Variants in SLC9A1 observed in about 807,000 individuals in gnomAD.
SLC9A1 encodes sodium/hydrogen exchanger 1.
Under a neutral mutation model 67.9 loss-of-function variants are expected in SLC9A1, and 22 were observed. The ratio of observed to expected loss-of-function variants is 0.32; its 90% CI spans 0.23 to 0.46. The LOEUF is 0.46. Among genes scored for constraint, SLC9A1 ranks in the 20% least tolerant of loss-of-function variants. The probability of loss-of-function intolerance (pLI) is 1.00; values close to 1 mark genes in which losing one functional copy is unlikely to be tolerated. For synonymous variants in SLC9A1, 421 were observed against 471.8 expected, an observed-to-expected ratio of 0.89 and a Z score of 1.40; for missense variants, 686 against 1,094.8, an observed-to-expected ratio of 0.63 and a Z score of 5.27.
intron 1 of SLC9A1, among the ~76,000 whole-genome samples, chr1:27,136,420 G>A (rs1230288521): frequency 6.6e-6 from 1 of 152,202 alleles, no homozygotes; most frequent in African/African-American, 2.4e-5. Flanking sequence ...GCCTGGGCTT[G>A]GCCCCGCCCA....
At chr1:27,134,938 T>C (rs186119522) in intron 1 of SLC9A1, among the ~76,000 whole-genome samples, 142 of 151,274 alleles carry the variant, frequency 9.4e-4, no homozygotes, top group African/African-American at 3.4e-3. Flanking sequence ...GGTTTCACCA[T>C]GTTGGCCAGG....
At position 27,101,719 on chromosome 1, in the gene SLC9A1, G is replaced by C; in HGVS notation, c.2037+6C>G. 6.3e-7 allele frequency: 1 copy of C among 1,597,588 alleles called. No individual in the cohort carries two copies. Among genetic ancestry groups the C allele is most frequent in the Non-Finnish European group, 8.6e-7 (1 of 1,166,666 alleles). ...ATACAGATTCCCAGAGGAAGGCAGAGGCTACCTTCTGCTCCAGCTGCCGGG... is the reference window on the plus strand; with the variant it reads ...ATACAGATTCCCAGAGGAAGGCAGACGCTACCTTCTGCTCCAGCTGCCGGG... On this transcript the variant is annotated splice_donor_region_variant and intron_variant, in intron 10 of 11. Transcript: ENST00000263980. The surrounding 1 kb of genome is among the most constrained non-coding windows in gnomAD (Gnocchi z 4.9).
At chr1:27,148,736 C>T (rs545267849) in intron 1 of SLC9A1, among the ~76,000 whole-genome samples, 161 of 152,314 alleles carry the variant, frequency 1.1e-3, no homozygotes, top group African/African-American at 3.5e-3. Context: ...TACTATTAAA[C>T]TCCTCCTGCC....
rs1230032661 is a variant in SLC9A1, at chr1:27,154,144, G to A, written c.191C>T (p.Pro64Leu). Residue 64 changes from proline (P) to leucine (L), a missense_variant, in exon 1 of 12, where the codon CCA becomes CTA. Physicochemically the swap from Pro to Leu is moderately conservative, Grantham distance 98. This residue lies in a region of SLC9A1 where 143 missense variants were observed against 166.7 expected (regional missense o/e 0.86). Coordinates refer to ENST00000263980, the MANE Select transcript of SLC9A1 (RefSeq NM_003047.5). ...ERSIGDVTTA[P>L]PEVTPESRPV... ...GCGGCTCTCTGGGGTGACCTCCGGT[G>A]GAGCGGTGGTGACATCCCCAATCGA... 1.2e-6 allele frequency: 2 copies of A among 1,614,050 alleles called. No individual in the cohort carries two copies. The highest frequency in any genetic ancestry group is 2.2e-5 in the East Asian group (1 of 44,894).
At chr1:27,119,794 T>C (rs1441820560) in intron 1 of SLC9A1, among the ~76,000 whole-genome samples, 1 of 152,198 alleles carries the variant, frequency 6.6e-6, no homozygotes, top group Non-Finnish European at 1.5e-5. Context: ...ATTCTTACTT[T>C]GTTTCTAAGG....
chr1:27,153,655 G>T (rs907221043), intron 1 of SLC9A1, among the ~76,000 whole-genome samples: 1 of 152,244 alleles, frequency 6.6e-6, no homozygotes, highest in African/African-American at 2.4e-5. Context: ...ACAGCGGGGT[G>T]CCTGGCTCCC....
chr1:27,102,177 TGGTGCCTCCCA>T, intron 8 of SLC9A1, 47 bp from the exon 9 acceptor site: 2 of 1,519,874 alleles, frequency 1.3e-6, no homozygotes, highest in South Asian at 2.2e-5. Context: ...CTTGGGATCC[TGGTGCCTCCCA>T]GGTTTGGCCA....
chr1:27,114,052 C>CCCA lies in SLC9A1; in HGVS notation c.584_586dup (p.Val195dup). 1 of 1,614,108 alleles carries CCCA rather than the reference C, an allele frequency of 6.2e-7. No homozygotes were observed. Among genetic ancestry groups the CCCA allele is most frequent in the Non-Finnish European group, 8.5e-7 (1 of 1,180,044 alleles). ...CAGGAAGAAGGCGTTCCACAGCGTG[C>CCCA]CCACCACGGCAAAGATCAGGATGGT... On this transcript the variant is annotated inframe_insertion, in exon 2 of 12. Transcript: ENST00000263980. The surrounding 1 kb of genome is among the most constrained non-coding windows in gnomAD (Gnocchi z 5.4).
At chr1:27,134,796 G>A (rs932936780) in intron 1 of SLC9A1, among the ~76,000 whole-genome samples, 1 of 152,222 alleles carries the variant, frequency 6.6e-6, no homozygotes, top group Non-Finnish European at 1.5e-5. Flanking sequence ...GAGTGCAGTG[G>A]TACAATCTCG....
At chr1:27,110,782 CCCT>C (rs1232093349) in intron 2 of SLC9A1, among the ~76,000 whole-genome samples, 1 of 152,204 alleles carries the variant, frequency 6.6e-6, no homozygotes, top group African/African-American at 2.4e-5. Flanking sequence ...GAGGATCTGC[CCCT>C]CCTATTGCTA....
At chr1:27,122,182 G>A (rs1359639164) in intron 1 of SLC9A1, among the ~76,000 whole-genome samples, 2 of 152,032 alleles carry the variant, frequency 1.3e-5, no homozygotes, top group Non-Finnish European at 2.9e-5. Context: ...AGCCTTCCTG[G>A]AGCCACACCC....
At chr1:27,119,140 C>T (rs972752121) in intron 1 of SLC9A1, among the ~76,000 whole-genome samples, 2 of 152,080 alleles carry the variant, frequency 1.3e-5, no homozygotes, top group Admixed American at 6.6e-5. Context: ...CTCCCAGCCC[C>T]CTGCGGCTGC....
chr1:27,129,257 T>C (rs2083368891), intron 1 of SLC9A1, among the ~76,000 whole-genome samples: 1 of 152,164 alleles, frequency 6.6e-6, no homozygotes, highest in Non-Finnish European at 1.5e-5. Context: ...TCCCATACAC[T>C]TCTGATAACG....
In SLC9A1 at chr1:27,150,505, C is replaced by G. The variant is rs531928975; in HGVS notation, c.352+3478G>C. Among the ~76,000 whole-genome samples, 10 of 152,286 alleles carry G rather than the reference C, an allele frequency of 6.6e-5. No individual in the cohort carries two copies. In the South Asian group the frequency reaches 1.9e-3, roughly 28 times the overall value. On this transcript the variant is annotated intron_variant, in intron 1 of 11. Transcript: ENST00000263980. ...GGAGTCAGGTGAACATGGAACAAAG[C>G]AGAGTTCATGCGGGGTCCACAGCAC...
At position 27,102,561 on chromosome 1, in the gene SLC9A1, G is replaced by A. The variant is rs376825910; in HGVS notation, c.1647-3C>T. On this transcript the variant is annotated splice_polypyrimidine_tract_variant and splice_region_variant and intron_variant, in intron 7 of 11. Coordinates refer to ENST00000263980, the MANE Select transcript of SLC9A1 (RefSeq NM_003047.5). ...ATTTCTTATTAAACCGGTTGAGCCT[G>A]GTGGGAGGAGGAGGGAGACGGATGG... 12 of 1,608,426 alleles carry A rather than the reference G, an allele frequency of 7.5e-6. No homozygotes were observed. The highest frequency in any genetic ancestry group is 1.3e-5 in the African/African-American group (1 of 74,846).
In SLC9A1 at chr1:27,100,751, C is replaced by G. The variant is rs1475688196; in HGVS notation, c.2111-107G>C. On this transcript the variant is annotated intron_variant, in intron 11 of 11. Coordinates refer to ENST00000263980, the MANE Select transcript of SLC9A1 (RefSeq NM_003047.5). The surrounding 1 kb of genome is among the most constrained non-coding windows in gnomAD (Gnocchi z 5.6). Reference sequence around the variant, plus strand: ...CCTTCAGGCCTTCTCATGAGCACAGCCGTCCCGGTCCCAACAGGCCTCAGA... The same window carrying G: ...CCTTCAGGCCTTCTCATGAGCACAGGCGTCCCGGTCCCAACAGGCCTCAGA... The G allele has an allele frequency of 1.0e-5, 9 of 865,032 alleles. No homozygotes were observed. The highest frequency in any genetic ancestry group is 2.3e-5 in the Admixed American group (1 of 43,152). The allele number at this position is 865,032 out of a possible 1,614,324, so 53.6% of individuals were successfully genotyped here.
intron 1 of SLC9A1, among the ~76,000 whole-genome samples, chr1:27,150,319 CT>C (rs2083518051): frequency 6.6e-6 from 1 of 152,174 alleles, no homozygotes; most frequent in Non-Finnish European, 1.5e-5. Flanking sequence ...CAAAAGAAGC[CT>C]TTTGTGTCCC....
At chr1:27,103,413 C>G (rs2083161800) in intron 5 of SLC9A1, 101 bp from the exon 6 acceptor site, 2 of 827,876 alleles carry the variant, frequency 2.4e-6, no homozygotes, top group African/African-American at 1.7e-5. Context: ...CTAGGATGCC[C>G]TCTCTGCTCT....
chr1:27,146,083 A>G (rs1439933759), intron 1 of SLC9A1, among the ~76,000 whole-genome samples: 1 of 152,204 alleles, frequency 6.6e-6, no homozygotes, highest in African/African-American at 2.4e-5. Context: ...TGCCTGACTC[A>G]GACATTTGCA....
Sources: allele counts gnomAD v4.1 joint callset (sites outside exome capture counted in the v4.1 genomes callset), GRCh38; gene constraint gnomAD v4.1.1; regional missense constraint gnomAD v4.1.1; non-coding constraint Gnocchi (gnomAD v3.1); transcripts MANE v1.5; gene names NCBI Gene and HGNC (gene_info 2026-07-23, HGNC 2026-07-21).